KCNN2: variants seen among roughly 807,000 people sequenced by gnomAD.
The protein encoded by KCNN2 is small conductance calcium-activated potassium channel protein 2.
KCNN2 carries 24 observed loss-of-function variants against 55.5 expected under a neutral mutation model. The observed-to-expected ratio is 0.43, with a 90% CI of 0.31 to 0.61. The LOEUF is 0.61. KCNN2 is among the 20% of genes least tolerant of loss of function. The probability of loss-of-function intolerance (pLI) is 0.08; values close to 1 mark genes in which losing one functional copy is unlikely to be tolerated. For synonymous variants in KCNN2, 431 were observed against 336.1 expected, an observed-to-expected ratio of 1.28 and a Z score of -3.09; for missense variants, 754 against 853.6, an observed-to-expected ratio of 0.88 and a Z score of 1.45.
chr5:114,473,358 G>T (rs1235758761), intron 5 of KCNN2, 194 bp downstream of exon 5: 1 of 572,264 alleles, frequency 1.7e-6, no homozygotes, highest in African/African-American at 1.9e-5. Flanking sequence ...GGAAGTAATT[G>T]GGCAGTCTTG....
At chr5:114,076,724 C>T (rs1750691454) in intron 1 of KCNN2, among the ~76,000 whole-genome samples, 4 of 152,166 alleles carry the variant, frequency 2.6e-5, no homozygotes, top group South Asian at 4.1e-4. Flanking sequence ...GATGGAGGCT[C>T]GCTGTGTCAC....
At chr5:114,406,079 A>G (rs1758923820) in intron 3 of KCNN2, among the ~76,000 whole-genome samples, 1 of 150,268 alleles carries the variant, frequency 6.7e-6, no homozygotes, top group South Asian at 2.1e-4. Flanking sequence ...AGGAAGAAAA[A>G]CAGCTATATG....
intron 2 of KCNN2, among the ~76,000 whole-genome samples, chr5:114,309,522 A>T (rs552097487): frequency 6.6e-6 from 1 of 152,308 alleles, no homozygotes; most frequent in South Asian, 2.1e-4. Context: ...ACATGAGGCA[A>T]CAATTGTTTA....
chr5:114,423,702 G>A (rs1329343159), intron 3 of KCNN2, among the ~76,000 whole-genome samples: 1 of 152,162 alleles, frequency 6.6e-6, no homozygotes, highest in Non-Finnish European at 1.5e-5. Flanking sequence ...ATAGGTATAT[G>A]CATGTGTAAA....
At chr5:114,440,522 G>T (rs564916342) in intron 3 of KCNN2, among the ~76,000 whole-genome samples, 1 of 152,058 alleles carries the variant, frequency 6.6e-6, no homozygotes, top group Non-Finnish European at 1.5e-5. Context: ...CTGGATAAAT[G>T]TAAACAAACA....
At chr5:114,371,150 C>T (rs1580758887) in intron 2 of KCNN2, among the ~76,000 whole-genome samples, 1 of 152,100 alleles carries the variant, frequency 6.6e-6, no homozygotes, top group Non-Finnish European at 1.5e-5. Flanking sequence ...GTGTGTTGTA[C>T]TGAGAAGGGA....
intron 1 of KCNN2, among the ~76,000 whole-genome samples, chr5:114,149,990 C>T (rs188922967): frequency 1.9e-3 from 283 of 152,176 alleles, no homozygotes; most frequent in African/African-American, 6.6e-3. Flanking sequence ...CATTCCATTC[C>T]CAGAGCTATG....
chr5:114,072,829 T>G (rs751905383), intron 1 of KCNN2, among the ~76,000 whole-genome samples: 3 of 152,224 alleles, frequency 2.0e-5, no homozygotes, highest in Non-Finnish European at 4.4e-5. Flanking sequence ...CTTTATAAGG[T>G]AGCTATGAAT....
chr5:114,198,154 C>T (rs1017418177), intron 1 of KCNN2, among the ~76,000 whole-genome samples: 4 of 151,492 alleles, frequency 2.6e-5, no homozygotes, highest in Middle Eastern at 3.4e-3. Context: ...TTTGTTAGTC[C>T]GTTAACACAG....
At chr5:114,077,620 G>C (rs546742507) in intron 1 of KCNN2, among the ~76,000 whole-genome samples, 8 of 152,194 alleles carry the variant, frequency 5.3e-5, no homozygotes, top group Non-Finnish European at 1.0e-4. Context: ...TCACACTTCA[G>C]TATGATATTA....
At chr5:114,406,258 A>G (rs1162631587) in intron 3 of KCNN2, among the ~76,000 whole-genome samples, 1 of 151,642 alleles carries the variant, frequency 6.6e-6, no homozygotes, top group African/African-American at 2.4e-5. Flanking sequence ...TTTAAATACA[A>G]TTGCTTATGT....
intron 1 of KCNN2, among the ~76,000 whole-genome samples, chr5:114,098,416 C>G (rs1429460895): frequency 6.6e-6 from 1 of 151,924 alleles, no homozygotes; most frequent in Non-Finnish European, 1.5e-5. Flanking sequence ...AAGTAAGTGG[C>G]AGGCAAGTGA....
chr5:114,139,067 C>T (rs936161621), intron 1 of KCNN2, among the ~76,000 whole-genome samples: 4 of 152,060 alleles, frequency 2.6e-5, no homozygotes, highest in Non-Finnish European at 4.4e-5. Context: ...AATTGGGCTG[C>T]CGTATTATTA....
chr5:114,274,352 G>T (rs1755436720), intron 2 of KCNN2, among the ~76,000 whole-genome samples: 1 of 151,748 alleles, frequency 6.6e-6, no homozygotes, highest in Non-Finnish European at 1.5e-5. Context: ...GTTTAAAGTA[G>T]TTTTTTCCAA....
chr5:114,140,114 TA>T (rs1752247141), intron 1 of KCNN2, among the ~76,000 whole-genome samples: 1 of 152,186 alleles, frequency 6.6e-6, no homozygotes, highest in Admixed American at 6.5e-5. Flanking sequence ...TATTGGAAGT[TA>T]ATAAAAATAT....
intron 2 of KCNN2, among the ~76,000 whole-genome samples, chr5:114,277,650 C>T (rs537069552): frequency 3.3e-5 from 5 of 152,300 alleles, no homozygotes; most frequent in Non-Finnish European, 7.3e-5. Context: ...CTTGTGCATG[C>T]TTCACAAAGT....
intron 3 of KCNN2, among the ~76,000 whole-genome samples, chr5:114,424,058 G>C (rs1259860368): frequency 6.6e-6 from 1 of 152,278 alleles, no homozygotes; most frequent in African/African-American, 2.4e-5. Context: ...TTAGTCCATA[G>C]GTATGTTCCC....
intron 2 of KCNN2, among the ~76,000 whole-genome samples, chr5:114,234,453 A>G (rs560507147): frequency 2.0e-5 from 3 of 152,308 alleles, no homozygotes; most frequent in South Asian, 4.1e-4. Context: ...TTCTTTGCTC[A>G]TGTGCCATTT....
chr5:114,457,027 T>C (rs1350358434), intron 3 of KCNN2, among the ~76,000 whole-genome samples: 1 of 152,178 alleles, frequency 6.6e-6, no homozygotes, highest in Non-Finnish European at 1.5e-5. Flanking sequence ...GATAAAGCTG[T>C]GTCACGGTTT....
Sources: allele counts gnomAD v4.1 joint callset (sites outside exome capture counted in the v4.1 genomes callset), GRCh38; gene constraint gnomAD v4.1.1; transcripts MANE v1.5; gene names NCBI Gene and HGNC (gene_info 2026-07-23, HGNC 2026-07-21).